SCOC: variants seen among roughly 807,000 people sequenced by gnomAD.
The protein encoded by SCOC is short coiled coil protein.
SCOC carries 7 observed loss-of-function variants against 9.9 expected under a neutral mutation model. The ratio of observed to expected loss-of-function variants is 0.71; its 90% confidence interval spans 0.40 to 1.33. SCOC has a LOEUF of 1.33. Among genes scored for constraint, SCOC ranks in the 40% most tolerant of loss-of-function variants. The probability of loss-of-function intolerance (pLI) is 0.01; values close to 1 mark genes in which losing one functional copy is unlikely to be tolerated. For synonymous variants in SCOC, 19 were observed against 28.2 expected (o/e 0.67, Z 1.03); for missense variants, 66 against 89.7 (o/e 0.74, Z 1.07).
At chr4:140,358,553 A>G (rs1727331079) in intron 2 of SCOC, among the ~76,000 whole-genome samples, 1 of 152,218 alleles carries the variant, frequency 6.6e-6, no homozygotes, top group South Asian at 2.1e-4. Context: ...AGTGCCTGCC[A>G]GCCTTCTCAG....
intron 1 of SCOC, among the ~76,000 whole-genome samples, chr4:140,297,269 T>TGGG (rs11287239): frequency 4.1e-5 from 6 of 148,098 alleles, no homozygotes; most frequent in African/African-American, 7.5e-5. Context: ...CTGGTGACTG[T>TGGG]GGGGGGGGGG....
At chr4:140,317,870 C>T (rs1460250361) in intron 1 of SCOC, among the ~76,000 whole-genome samples, 1 of 119,348 alleles carries the variant, frequency 8.4e-6, no homozygotes, top group Admixed American at 9.5e-5. Flanking sequence ...CACCACAGTC[C>T]CCAGAGTGTG....
chr4:140,323,286 C>T (rs1265649675), intron 1 of SCOC, among the ~76,000 whole-genome samples: 1 of 152,130 alleles, frequency 6.6e-6, no homozygotes, highest in Non-Finnish European at 1.5e-5. Flanking sequence ...ATGTGTGCTC[C>T]ACCTTCACCT....
At chr4:140,303,883 C>T (rs547160963) in intron 1 of SCOC, among the ~76,000 whole-genome samples, 12 of 152,278 alleles carry the variant, frequency 7.9e-5, no homozygotes, top group Non-Finnish European at 1.3e-4. Flanking sequence ...CAAGCATTGC[C>T]GGTGCCACCT....
At chr4:140,314,551 C>T (rs1732254496) in intron 1 of SCOC, 1 of 152,254 alleles carries the variant, frequency 6.6e-6, no homozygotes, top group Non-Finnish European at 1.5e-5. Context: ...GGAGCTACAT[C>T]TTGGCCACCC....
chr4:140,352,789 G>A (rs752284027), intron 2 of SCOC, among the ~76,000 whole-genome samples: 2 of 152,054 alleles, frequency 1.3e-5, no homozygotes, highest in Non-Finnish European at 2.9e-5. Context: ...TTGCCTATAT[G>A]TTTTTTCTAC....
intron 1 of SCOC, among the ~76,000 whole-genome samples, chr4:140,377,680 A>C (rs1399907455): frequency 1.3e-5 from 2 of 152,214 alleles, no homozygotes; most frequent in African/African-American, 2.4e-5. Flanking sequence ...GGATTTATGT[A>C]GATGTACACT....
chr4:140,297,263 T>G (rs1457869727), intron 1 of SCOC, among the ~76,000 whole-genome samples: 4 of 54,828 alleles, frequency 7.3e-5, no homozygotes, highest in African/African-American at 2.2e-4. Flanking sequence ...AGCATTCTGG[T>G]GACTGTGGGG....
Sources: gnomAD v4.1 joint callset for allele counts (sites outside exome capture counted in the v4.1 genomes callset) on GRCh38, gnomAD v4.1.1 for gene constraint, MANE v1.5 for transcripts, NCBI Gene and HGNC (gene_info 2026-07-23, HGNC 2026-07-21) for gene names.